STAB1: variants seen among roughly 807,000 people sequenced by gnomAD.
The protein encoded by STAB1 is stabilin-1.
STAB1 carries 250 observed loss-of-function variants against 332.4 expected under a neutral mutation model. That is an observed-to-expected ratio of 0.75 (90% CI 0.68 to 0.84). The LOEUF (loss-of-function observed/expected upper bound fraction) is 0.84, where lower values mean the gene tolerates loss of function less well. STAB1 is among the 40% of genes least tolerant of loss of function. STAB1 has a pLI of 0.00. For missense variants in STAB1, 3,249 were observed against 3,489.7 expected (o/e 0.93, Z 1.74); for synonymous variants, 1,475 against 1,390.4 (o/e 1.06, Z -1.35).
intron 14 of STAB1, 97 bp downstream of exon 14, chr3:52,505,478 T>C: frequency 7.4e-7 from 1 of 1,356,086 alleles, no homozygotes; most frequent in Non-Finnish European, 1.0e-6. Flanking sequence ...CCTGGGGTTC[T>C]GAAGTAGCAT....
At chr3:52,496,720 C>T (rs1184755099) in intron 1 of STAB1, among the ~76,000 whole-genome samples, 1 of 152,228 alleles carries the variant, frequency 6.6e-6, no homozygotes, top group African/African-American at 2.4e-5. Flanking sequence ...CCTCCGCCAC[C>T]TCCTCATGCT....
At chr3:52,523,159 C>CG (rs771082556) in intron 63 of STAB1, 25 bp downstream of exon 63, 4 of 1,608,758 alleles carry the variant, frequency 2.5e-6, no homozygotes, top group African/African-American at 1.3e-5. Flanking sequence ...CCCTTGGGGG[C>CG]GGGGGGTGCT....
chr3:52,510,171 A>G lies in STAB1; in HGVS notation c.2564A>G (p.Asp855Gly), dbSNP rs754934012. Reference sequence around the variant, plus strand: ...CGCTGTCTTGATGGCTTTGAGGGTGATGGCTTCTCCTGCACACCTAGCAAC... The same window carrying G: ...CGCTGTCTTGATGGCTTTGAGGGTGGTGGCTTCTCCTGCACACCTAGCAAC... ...RCRCLDGFEG[D>G]GFSCTPSNPC... Residue 855 changes from aspartate (D) to glycine (G), a missense_variant, in exon 24 of 69, where the codon GAT (aspartate) becomes GGT (glycine). Physicochemically the swap from Asp to Gly is moderately conservative, Grantham distance 94 (BLOSUM62 -1). Coordinates refer to ENST00000321725, the MANE Select transcript of STAB1 (RefSeq NM_015136.3). 51 of 1,613,778 alleles carry G rather than the reference A, an allele frequency of 3.2e-5. No homozygotes were observed. The highest frequency in any genetic ancestry group is 4.2e-5 in the Non-Finnish European group (50 of 1,180,020).
At chr3:52,506,582 C>T in intron 17 of STAB1, 110 bp from the exon 18 acceptor site, 1 of 1,254,792 alleles carries the variant, frequency 8.0e-7, no homozygotes, top group South Asian at 1.5e-5. Context: ...CCTTCAGCAG[C>T]TCACTGAGCT....
Position 52,513,307 on chromosome 3 carries a change from C to T in STAB1, c.3270+66C>T, listed in dbSNP as rs1049154336. On this transcript the variant is annotated intron_variant, in intron 30 of 68. Coordinates refer to ENST00000321725, the MANE Select transcript of STAB1 (RefSeq NM_015136.3). ...GCATGGGAGGGAGCCTGAGTGGCTGCAGGCTCTCCCACATCAGGGGCCCCA... is the reference window on the plus strand; with the variant it reads ...GCATGGGAGGGAGCCTGAGTGGCTGTAGGCTCTCCCACATCAGGGGCCCCA... 2.8e-6 allele frequency: 4 copies of T among 1,449,600 alleles called. No homozygotes were observed. The African/African-American group carries it at 5.7e-5, about 21-fold the overall frequency. The allele number at this position is 1,449,600 out of a possible 1,614,324, so 89.8% of individuals were successfully genotyped here. A position where few individuals can be genotyped will look rare whatever the true frequency, so the allele number is the denominator to read the frequency against.
chr3:52,516,266 G>GCCCC, intron 38 of STAB1, 28 bp downstream of exon 38: 11 of 793,964 alleles, frequency 1.4e-5, no homozygotes, highest in Non-Finnish European at 2.4e-5. Flanking sequence ...GCGGGGGTGG[G>GCCCC]CCTCCTGGCA....
chr3:52,498,369 C>T (rs1468841238), intron 1 of STAB1, among the ~76,000 whole-genome samples: 1 of 152,224 alleles, frequency 6.6e-6, no homozygotes. Flanking sequence ...AGCCTCACTC[C>T]ACCCAGCTGG....
rs1202840756 is a variant in STAB1 at position 52,505,770 on chromosome 3, C to T, written c.1684C>T (p.Leu562Phe). ...DSLRDGRLIY[L>F]FTAGLSKLQE... is the part of the protein sequence containing the mutation. ...CTTGCGTGACGGCCGCCTGATCTACCTCTTCACAGCGGTAAGCTCAGCGGG... is the reference window on the plus strand; with the variant it reads ...CTTGCGTGACGGCCGCCTGATCTACTTCTTCACAGCGGTAAGCTCAGCGGG... The change falls in exon 15 of 69, where the codon CTC becomes TTC. Residue 562 changes from leucine to phenylalanine, a missense_variant. By Grantham distance (22) the Leu-to-Phe change is conservative. Transcript: ENST00000321725. The T allele has an allele frequency of 2.5e-6, 4 of 1,613,774 alleles. No homozygotes were observed. The highest frequency in any genetic ancestry group is 3.4e-6 in the Non-Finnish European group (4 of 1,180,050).
intron 53 of STAB1, 38 bp downstream of exon 53, chr3:52,520,587 C>A: frequency 4.3e-6 from 7 of 1,612,190 alleles, no homozygotes; most frequent in Non-Finnish European, 5.9e-6. Flanking sequence ...GAAGCCCACC[C>A]CGCCTGTGGT....
At chr3:52,502,525 G>T in intron 5 of STAB1, 107 bp from the exon 6 acceptor site, 1 of 1,023,436 alleles carries the variant, frequency 9.8e-7, no homozygotes, top group Non-Finnish European at 1.5e-6. Context: ...TCTTAAGGTT[G>T]TACCTGCCCG....
At position 52,504,777 on chromosome 3, in the gene STAB1, C is replaced by T. The variant is rs928698525; in HGVS notation, c.1278C>T (p.Ile426=). ...AGCAGCTCTGTAGACAGCACATCAT[C>T]GCAGGGCAGCACATCCTGGAGGACA... ...LAQQLCRQHI[I]AGQHILEDTR... is the part of the protein sequence containing the mutation. Residue 426 remains isoleucine (I), a synonymous_variant, in exon 12 of 69, where the codon ATC becomes ATT. Transcript: ENST00000321725. 11 of 1,613,776 alleles carry T rather than the reference C, an allele frequency of 6.8e-6. No individual in the cohort carries two copies. Among genetic ancestry groups the T allele is most frequent in the South Asian group, 2.2e-5 (2 of 91,094 alleles).
Position 52,514,138 on chromosome 3 carries a change from T to G in STAB1, c.3471T>G (p.Ile1157Met), listed in dbSNP as rs1259904503. 2.5e-6 allele frequency: 4 copies of G among 1,613,066 alleles called. No individual in the cohort carries two copies. Among genetic ancestry groups the G allele is most frequent in the Non-Finnish European group, 3.4e-6 (4 of 1,179,928 alleles). Reference sequence around the variant, plus strand: ...AGCACCATGGGTTGGTGCCCCAGATTGAGGCTGCCACTGCCTACACCATCT... The same window carrying G: ...AGCACCATGGGTTGGTGCCCCAGATGGAGGCTGCCACTGCCTACACCATCT... ...LLQHHGLVPQIEAATAYTIFV... is the reference protein window; with the variant it reads ...LLQHHGLVPQMEAATAYTIFV... Residue 1157 changes from isoleucine (I) to methionine (M), a missense_variant, in exon 33 of 69, where the codon ATT (isoleucine) becomes ATG (methionine). By Grantham distance (10) the Ile-to-Met change is conservative (BLOSUM62 1). Transcript: ENST00000321725.
chr3:52,502,542 G>A, intron 5 of STAB1, 90 bp from the exon 6 acceptor site: 1 of 1,216,154 alleles, frequency 8.2e-7, no homozygotes, highest in Non-Finnish European at 1.2e-6. Flanking sequence ...CCCGAGCTGA[G>A]TTCTAAAAAT....
chr3:52,501,867 C>A, intron 3 of STAB1, 114 bp downstream of exon 3: 1 of 1,358,438 alleles, frequency 7.4e-7, no homozygotes, highest in Non-Finnish European at 1.0e-6. Flanking sequence ...AATTAATACT[C>A]ACCGAGCGCC....
At chr3:52,505,958 G>A (rs750660323) in intron 16 of STAB1, 22 bp downstream of exon 16, 2 of 1,613,018 alleles carry the variant, frequency 1.2e-6, no homozygotes, top group Non-Finnish European at 1.7e-6. Context: ...TTTTCTGGGG[G>A]GCGGCCAGCT....
At position 52,503,897 on chromosome 3, in the gene STAB1, G is replaced by A. The variant is rs759242441; in HGVS notation, c.1017G>A (p.Lys339=). 7.9e-5 allele frequency: 127 copies of A among 1,613,052 alleles called. No individual in the cohort carries two copies. The highest frequency in any genetic ancestry group is 9.6e-5 in the Non-Finnish European group (113 of 1,180,010). Residue 339 remains lysine, a synonymous_variant, in exon 9 of 69, where the codon AAG becomes AAA. Coordinates refer to ENST00000321725, the MANE Select transcript of STAB1 (RefSeq NM_015136.3). The part of the protein sequence containing the change: ...SATCQVTADG[K]TSCVCRESEV... ...CTTGCCAGGTGACCGCTGATGGGAA[G>A]ACCAGGTGAGCACAGGTGCCTGGGA...
Position 52,522,883 on chromosome 3 carries a change from C to G in STAB1, c.6853C>G (p.Leu2285Val). 1 of 1,613,372 alleles carries G rather than the reference C, an allele frequency of 6.2e-7. No homozygotes were observed. The highest frequency in any genetic ancestry group is 8.5e-7 in the Non-Finnish European group (1 of 1,180,004). The change falls in exon 62 of 69, where the codon CTG becomes GTG. Residue 2285 changes from leucine (L) to valine (V), a missense_variant. Coordinates refer to ENST00000321725, the MANE Select transcript of STAB1 (RefSeq NM_015136.3). ...CAATGGTCGGGTGGGCATAGTCAGC[C>G]TGGGTGCCCGCAAGAACCTCTCAGA... ...CGNGRVGIVS[L>V]GARKNLSERW...
chr3:52,518,531 C>G lies in STAB1; in HGVS notation c.4810-5C>G. The G allele has an allele frequency of 6.3e-7, 1 of 1,581,490 alleles. No individual in the cohort carries two copies. Among genetic ancestry groups the G allele is most frequent in the South Asian group, 1.1e-5 (1 of 87,268 alleles). ...TTCCACTCATGCTGTTGCTGCCTCC[C>G]GCAGGAATATAAGGAGCTCAAGGGC... On this transcript the variant is annotated splice_polypyrimidine_tract_variant and splice_region_variant and intron_variant, in intron 46 of 68. Transcript: ENST00000321725.
intron 43 of STAB1, 69 bp from the exon 44 acceptor site, chr3:52,517,481 G>C: frequency 6.3e-7 from 1 of 1,593,746 alleles, no homozygotes; most frequent in Non-Finnish European, 8.6e-7. Flanking sequence ...GGAGGGGGGT[G>C]ACCCTTTTAC....
Sources: gnomAD v4.1 joint callset for allele counts (sites outside exome capture counted in the v4.1 genomes callset) on GRCh38, gnomAD v4.1.1 for gene constraint, MANE v1.5 for transcripts, NCBI Gene and HGNC (gene_info 2026-07-23, HGNC 2026-07-21) for gene names.